Variants in AKAP13 observed in about 807,000 individuals in gnomAD.
AKAP13 encodes the protein A-kinase anchor protein 13.
Under a neutral mutation model 264.5 loss-of-function variants are expected in AKAP13, and 80 were observed. That is an observed-to-expected ratio of 0.30 (90% CI 0.25 to 0.36). The LOEUF is 0.36. AKAP13 is among the 10% of genes least tolerant of loss of function. AKAP13 has a pLI of 1.00. For missense variants in AKAP13, 3,712 were observed against 3,435.2 expected, an observed-to-expected ratio of 1.08 and a Z score of -2.01; for synonymous variants, 1,380 against 1,250.2, an observed-to-expected ratio of 1.10 and a Z score of -2.19.
chr15:85,686,997 C>G (rs1273221754), intron 16 of AKAP13, among the ~76,000 whole-genome samples: 1 of 152,062 alleles, frequency 6.6e-6, no homozygotes, highest in Non-Finnish European at 1.5e-5. Context: ...GTGGAGATTC[C>G]CCCTTTCTAG....
intron 12 of AKAP13, among the ~76,000 whole-genome samples, chr15:85,664,347 G>T (rs1215331496): frequency 6.6e-6 from 1 of 152,164 alleles, no homozygotes; most frequent in Non-Finnish European, 1.5e-5. Flanking sequence ...ATTTAATGCG[G>T]TAAGAAAATC....
intron 3 of AKAP13, among the ~76,000 whole-genome samples, chr15:85,527,232 G>A (rs1277219313): frequency 6.6e-6 from 1 of 152,088 alleles, no homozygotes; most frequent in Non-Finnish European, 1.5e-5. Flanking sequence ...CACAGTGCTG[G>A]GATTACAAGC....
chr15:85,492,507 T>C (rs1006181734), intron 2 of AKAP13, among the ~76,000 whole-genome samples: 1 of 152,268 alleles, frequency 6.6e-6, no homozygotes, highest in African/African-American at 2.4e-5. Context: ...TTTTTATTTA[T>C]TTTAGTCATT....
intron 7 of AKAP13, chr15:85,582,867 T>G: frequency 1.0e-6 from 1 of 985,380 alleles, no homozygotes; most frequent in Non-Finnish European, 1.2e-6. Flanking sequence ...GCAGACCTTG[T>G]GTCTGCTTTA....
At chr15:85,521,361 T>C in intron 2 of AKAP13, 67 bp from the exon 3 acceptor site, 41 of 1,553,970 alleles carry the variant, frequency 2.6e-5, no homozygotes, top group Non-Finnish European at 3.5e-5. Context: ...AATATGATGT[T>C]TGATAAAGAT....
Position 85,748,461 on chromosome 15 carries a change from T to C in AKAP13, c.*3784T>C, listed in dbSNP as rs1000784228. Reference sequence around the variant, plus strand: ...GTCTAGGTGCGCAGCCACCTATGGATGCGTCCCAGCCAGCCCCGTCGCTCT... The same window carrying C: ...GTCTAGGTGCGCAGCCACCTATGGACGCGTCCCAGCCAGCCCCGTCGCTCT... On this transcript the variant is annotated 3_prime_UTR_variant, in exon 37 of 37. Coordinates refer to ENST00000394518, the MANE Select transcript of AKAP13 (RefSeq NM_007200.5). The C allele has an allele frequency of 3.3e-5, 5 of 152,324 alleles. No individual in the cohort carries two copies. The highest frequency in any genetic ancestry group is 2.0e-4 in the Admixed American group (3 of 15,302). 9.4% of individuals were successfully genotyped at this position (152,324 alleles called of 1,614,324 possible).
intron 2 of AKAP13, among the ~76,000 whole-genome samples, chr15:85,490,054 A>T (rs2075680514): frequency 6.6e-6 from 1 of 152,188 alleles, no homozygotes; most frequent in Non-Finnish European, 1.5e-5. Flanking sequence ...AGTAATGATT[A>T]TTGCCAGATG....
rs1004028933 is a variant in AKAP13 at position 85,747,403 on chromosome 15, G to A, written c.*2726G>A. The A allele has an allele frequency of 1.3e-5, 2 of 152,344 alleles. No individual in the cohort carries two copies. The highest frequency in any genetic ancestry group is 6.5e-5 in the Admixed American group (1 of 15,274). 9.4% of individuals were successfully genotyped at this position (152,344 alleles called of 1,614,324 possible). A position where few individuals can be genotyped will look rare whatever the true frequency, so the allele number is the denominator to read the frequency against. On this transcript the variant is annotated 3_prime_UTR_variant, in exon 37 of 37. Transcript: ENST00000394518. ...TGAGAAGGGGTTGTTTTTTTGGGGTGACTCGGACTGAATTCCCCATACTGT... is the reference window on the plus strand; with the variant it reads ...TGAGAAGGGGTTGTTTTTTTGGGGTAACTCGGACTGAATTCCCCATACTGT...
intron 1 of AKAP13, among the ~76,000 whole-genome samples, chr15:85,442,052 T>G (rs985348541): frequency 5.3e-5 from 8 of 152,174 alleles, no homozygotes; most frequent in Non-Finnish European, 1.0e-4. Context: ...TTATGAAATC[T>G]TATTTTGCAC....
At chr15:85,441,039 A>G (rs1003757915) in intron 1 of AKAP13, among the ~76,000 whole-genome samples, 2 of 152,204 alleles carry the variant, frequency 1.3e-5, no homozygotes, top group South Asian at 2.1e-4. Flanking sequence ...ATTTCTGTTC[A>G]CTTGAGGTCT....
At chr15:85,565,062 A>G (rs2078554244) in intron 5 of AKAP13, among the ~76,000 whole-genome samples, 1 of 152,214 alleles carries the variant, frequency 6.6e-6, no homozygotes. Flanking sequence ...CAAGGTAATC[A>G]TATTGTCAGC....
In AKAP13 at chr15:85,581,178, A is replaced by G. The variant is rs914226547; in HGVS notation, c.3110A>G (p.His1037Arg). The G allele has an allele frequency of 1.5e-5, 25 of 1,614,072 alleles. No homozygotes were observed. The highest frequency in any genetic ancestry group is 2.1e-5 in the Non-Finnish European group (25 of 1,180,032). The change falls in exon 7 of 37, where the codon CAC becomes CGC. Residue 1037 changes from histidine to arginine, a missense_variant. By Grantham distance (29) the His-to-Arg change is conservative. This residue lies in a region of AKAP13 where 2,759 missense variants were observed against 2,411.7 expected (regional missense o/e 1.14). Coordinates refer to ENST00000394518, the MANE Select transcript of AKAP13 (RefSeq NM_007200.5). ...AGGCAGGAAGCCTTGGGGGCAGAGC[A>G]CAACAGCTCCGCTCTGTTGCCATGT... ...ESRQEALGAE[H>R]NSSALLPCLL...
Position 85,727,549 on chromosome 15 carries a change from T to C in AKAP13, c.7087+86T>C. 2 of 1,482,882 alleles carry C rather than the reference T, an allele frequency of 1.3e-6. No homozygotes were observed. The highest frequency in any genetic ancestry group is 1.9e-6 in the Non-Finnish European group (2 of 1,072,458). 91.9% of individuals were successfully genotyped at this position (1,482,882 alleles called of 1,614,324 possible). ...CTGGTGGATTTTAGAGGTACGGGTT[T>C]GCCCTCAGTTCTAAAGCTGCCCCAG... On this transcript the variant is annotated intron_variant, in intron 29 of 36. Coordinates refer to ENST00000394518, the MANE Select transcript of AKAP13 (RefSeq NM_007200.5). This position sits in a 1 kb window ranked among gnomAD's most constrained non-coding sequence, Gnocchi z 5.3.
chr15:85,450,539 G>A (rs2074051420), intron 1 of AKAP13, among the ~76,000 whole-genome samples: 2 of 152,226 alleles, frequency 1.3e-5, no homozygotes, highest in South Asian at 4.2e-4. Context: ...GTGTCCCAGA[G>A]ATTCTGTTAT....
rs1486517153 is a variant in AKAP13, at chr15:85,747,660, A to ACAAT, written c.*2987_*2990dup. 3 of 152,614 alleles carry ACAAT rather than the reference A, an allele frequency of 2.0e-5. No individual in the cohort carries two copies. The highest frequency in any genetic ancestry group is 2.4e-5 in the African/African-American group (1 of 41,426). The allele number at this position is 152,614 out of a possible 1,614,324, so 9.5% of individuals were successfully genotyped here. On this transcript the variant is annotated 3_prime_UTR_variant, in exon 37 of 37. Transcript: ENST00000394518. Reference sequence around the variant, plus strand: ...CTCATCGGTTGGCTTCATTTTCAAGACAATCAAATGTATTGACTGTGTTTT... The same window carrying ACAAT: ...CTCATCGGTTGGCTTCATTTTCAAGACAATCAATCAAATGTATTGACTGTGTTTT...
At chr15:85,390,720 G>A (rs78071323) in intron 1 of AKAP13, among the ~76,000 whole-genome samples, 2,320 of 152,222 alleles carry the variant, frequency 0.015, 26 homozygotes, top group Non-Finnish European at 0.026. Context: ...GGTGAGAAGC[G>A]GTTTGAATCC....
chr15:85,650,205 G>C (rs1265379575), intron 10 of AKAP13, among the ~76,000 whole-genome samples: 1 of 152,330 alleles, frequency 6.6e-6, no homozygotes, highest in Admixed American at 6.5e-5. Context: ...TGAAGTGGGA[G>C]GACTGCTTGA....
Position 85,722,250 on chromosome 15 carries a change from T to C in AKAP13, c.6399T>C (p.Val2133=), listed in dbSNP as rs778236431. The part of the protein sequence containing the change: ...AFVKKKMSSS[V]VRRLGIPECI... ...TGCAGAAGAAGATGAGCAGTTCAGT[T>C]GTTAGAAGGCTTGGAATTCCAGAGT... Residue 2133 remains valine, a synonymous_variant, in exon 25 of 37, where the codon GTT becomes GTC. Transcript: ENST00000394518. The C allele has an allele frequency of 6.2e-7, 1 of 1,613,694 alleles. No individual in the cohort carries two copies. Among genetic ancestry groups the C allele is most frequent in the Admixed American group, 1.7e-5 (1 of 59,914 alleles).
In AKAP13 at chr15:85,521,483, T is replaced by G. The variant is rs1181031565; in HGVS notation, c.89T>G (p.Val30Gly). Residue 30 changes from valine to glycine, a missense_variant, in exon 3 of 37, where the codon GTA (valine) becomes GGA (glycine). By Grantham distance (109) the Val-to-Gly change is moderately radical (BLOSUM62 -3). Coordinates refer to ENST00000394518, the MANE Select transcript of AKAP13 (RefSeq NM_007200.5). ...GAAGAGGACAAAGCTGAAGATGATG[T>G]AGTGTTTTACTTGGTATTTTTGGGT... ...LAEEDKAEDD[V>G]VFYLVFLGST... The G allele has an allele frequency of 6.2e-7, 1 of 1,614,170 alleles. No homozygotes were observed. The highest frequency in any genetic ancestry group is 1.1e-5 in the South Asian group (1 of 91,084).
Sources: gnomAD v4.1 joint callset for allele counts (sites outside exome capture counted in the v4.1 genomes callset) on GRCh38, gnomAD v4.1.1 for gene constraint, gnomAD v4.1.1 regional missense constraint, Gnocchi (gnomAD v3.1) non-coding constraint, MANE v1.5 for transcripts, NCBI Gene and HGNC (gene_info 2026-07-23, HGNC 2026-07-21) for gene names.